KBTBD11: variants seen among roughly 807,000 people sequenced by gnomAD.
The protein encoded by KBTBD11 is kelch repeat and BTB domain-containing protein 11.
For missense variants in KBTBD11, 1,390 were observed against 1,001.8 expected (o/e 1.39, Z -5.23); for synonymous variants, 747 against 499.0 (o/e 1.50, Z -6.63).
intron 1 of KBTBD11, among the ~76,000 whole-genome samples, chr8:1,992,018 C>A (rs1160727381): frequency 6.6e-6 from 1 of 152,050 alleles, no homozygotes; most frequent in Non-Finnish European, 1.5e-5. Context: ...TACCCAAGGG[C>A]CTTTAGTTGA....
chr8:1,982,248 A>C (rs2129309582), intron 1 of KBTBD11, among the ~76,000 whole-genome samples: 1 of 152,346 alleles, frequency 6.6e-6, no homozygotes, highest in Non-Finnish European at 1.5e-5. Flanking sequence ...AAAAACCTAC[A>C]GTAGGTACAC....
chr8:1,976,383 T>G (rs991045331), intron 1 of KBTBD11: 4 of 152,220 alleles, frequency 2.6e-5, no homozygotes, highest in Admixed American at 2.0e-4. Context: ...GAGCAAAAAC[T>G]TTAAGAATAA....
rs150654332 is a variant in KBTBD11 at position 2,000,325 on chromosome 8, C to T, written c.-868C>T. The T allele has an allele frequency of 7.2e-4, 110 of 152,366 alleles. No homozygotes were observed. Among genetic ancestry groups the T allele is most frequent in the African/African-American group, 2.5e-3 (104 of 41,570 alleles). The allele number at this position is 152,366 out of a possible 1,614,324, so 9.4% of individuals were successfully genotyped here. A position where few individuals can be genotyped will look rare whatever the true frequency, so the allele number is the denominator to read the frequency against. On this transcript the variant is annotated 5_prime_UTR_variant, in exon 2 of 2. Transcript: ENST00000320248. ...GAGAGGACGCGGAAACACCTGATAT[C>T]CCAGCAAAGGAAGCTGCAGAGGAAG... is the stretch of plus-strand genomic sequence containing the variant.
In KBTBD11 at chr8:2,002,266, C is replaced by T; in HGVS notation, c.1074C>T (p.Tyr358=). 1.5e-6 allele frequency: 2 copies of T among 1,323,914 alleles called. No individual in the cohort carries two copies. The highest frequency in any genetic ancestry group is 9.6e-7 in the Non-Finnish European group (1 of 1,045,420). 82.0% of individuals were successfully genotyped at this position (1,323,914 alleles called of 1,614,324 possible). A position where few individuals can be genotyped will look rare whatever the true frequency, so the allele number is the denominator to read the frequency against. The change falls in exon 2 of 2, where the codon TAC becomes TAT. Residue 358 remains tyrosine, a synonymous_variant. Transcript: ENST00000320248. The surrounding 1 kb of genome is among the most constrained non-coding windows in gnomAD (Gnocchi z 4.1). Reference sequence around the variant, plus strand: ...GGGGCTGCGGCCTGTGCGTCCTCTACAACTACCTCTTCGTGGCGGGCGGCG... The same window carrying T: ...GGGGCTGCGGCCTGTGCGTCCTCTATAACTACCTCTTCGTGGCGGGCGGCG... ...PARGCGLCVL[Y]NYLFVAGGVA... is the part of the protein sequence containing the mutation.
chr8:2,001,099 T>G lies in KBTBD11; in HGVS notation c.-94T>G. On this transcript the variant is annotated 5_prime_UTR_variant, in exon 2 of 2. Coordinates refer to ENST00000320248, the MANE Select transcript of KBTBD11 (RefSeq NM_014867.3). ...TCTGATCGCGTGCCAGGAAAAGCTG[T>G]GAGGCTGGAAACCCCGGAGTAAGGC... The G allele has an allele frequency of 7.9e-7, 1 of 1,260,190 alleles. No homozygotes were observed. The highest frequency in any genetic ancestry group is 1.0e-6 in the Non-Finnish European group (1 of 1,002,510). 78.1% of individuals were successfully genotyped at this position (1,260,190 alleles called of 1,614,324 possible).
intron 1 of KBTBD11, among the ~76,000 whole-genome samples, chr8:1,987,832 A>G (rs1307995245): frequency 1.3e-5 from 2 of 151,994 alleles, no homozygotes; most frequent in Admixed American, 1.3e-4. Context: ...TGCTGCACCC[A>G]TTAACTCGTC....
intron 1 of KBTBD11, among the ~76,000 whole-genome samples, chr8:1,993,376 TCCGTCC>T (rs1563371841): frequency 9.9e-5 from 13 of 131,536 alleles, no homozygotes; most frequent in African/African-American, 3.6e-4. Flanking sequence ...CGTCCGTCCG[TCCGTCC>T]GTCCGTCCGT....
In KBTBD11 at chr8:1,973,722, C is replaced by T; in HGVS notation, c.-1122C>T. ...GCAGCCTGGAGCCGGAGCGCTGGCT[C>T]CGCGCGGCCTGGAGAGGCGGAGAGG... On this transcript the variant is annotated 5_prime_UTR_variant, in exon 1 of 2. Transcript: ENST00000320248. The T allele has an allele frequency of 1.0e-6, 1 of 983,846 alleles. No homozygotes were observed. The highest frequency in any genetic ancestry group is 1.2e-6 in the Non-Finnish European group (1 of 829,348). 60.9% of individuals were successfully genotyped at this position (983,846 alleles called of 1,614,324 possible).
At chr8:1,982,726 T>C (rs919385071) in intron 1 of KBTBD11, among the ~76,000 whole-genome samples, 2 of 151,912 alleles carry the variant, frequency 1.3e-5, no homozygotes, top group African/African-American at 4.8e-5. Flanking sequence ...AGTAAACTTT[T>C]AGTATGAGTT....
chr8:1,990,706 GCGGGGCCTTGGCGCCCTGT>G (rs2129312623), intron 1 of KBTBD11, among the ~76,000 whole-genome samples: 1 of 58,920 alleles, frequency 1.7e-5, no homozygotes, highest in East Asian at 6.6e-4. Context: ...GGTAGGTGCT[GCGGGGCCTTGGCGCCCTGT>G]CCGGGTAGGT....
intron 1 of KBTBD11, chr8:1,974,309 C>T (rs574882899): frequency 3.0e-6 from 3 of 984,408 alleles, no homozygotes; most frequent in East Asian, 1.1e-4. Flanking sequence ...AGACAATGAG[C>T]CGCCCGCGCC....
At chr8:1,975,561 T>C (rs1394062600) in intron 1 of KBTBD11, among the ~76,000 whole-genome samples, 2 of 152,242 alleles carry the variant, frequency 1.3e-5, no homozygotes, top group Non-Finnish European at 2.9e-5. Flanking sequence ...CTGCACCGCC[T>C]AGGTGTGTAG....
chr8:1,981,052 A>G (rs1816524462), intron 1 of KBTBD11, among the ~76,000 whole-genome samples: 1 of 152,224 alleles, frequency 6.6e-6, no homozygotes, highest in Non-Finnish European at 1.5e-5. Context: ...TTTAGCGCCA[A>G]CACTAATTGG....
chr8:1,987,892 C>T (rs768765118), intron 1 of KBTBD11, among the ~76,000 whole-genome samples: 4 of 152,182 alleles, frequency 2.6e-5, no homozygotes, highest in Non-Finnish European at 5.9e-5. Context: ...AGCTCCCCAG[C>T]CCCCGACGGG....
rs1817512768 is a variant in KBTBD11, at chr8:2,004,500, G to A, written c.*1436G>A. ...TTATTTGTTTGTTAATCCAGTAATG[G>A]GAACTGCCATCTCTGTAGAAATCAG... On this transcript the variant is annotated 3_prime_UTR_variant, in exon 2 of 2. Transcript: ENST00000320248. 1 of 167,030 alleles carries A rather than the reference G, an allele frequency of 6.0e-6. No homozygotes were observed. The highest frequency in any genetic ancestry group is 1.5e-5 in the Non-Finnish European group (1 of 68,126). The allele number at this position is 167,030 out of a possible 1,614,324, so 10.3% of individuals were successfully genotyped here. A position where few individuals can be genotyped will look rare whatever the true frequency, so the allele number is the denominator to read the frequency against.
chr8:1,988,730 A>C (rs1451110089), intron 1 of KBTBD11, among the ~76,000 whole-genome samples: 2 of 152,272 alleles, frequency 1.3e-5, no homozygotes, highest in East Asian at 3.9e-4. Flanking sequence ...CTGAGGCTTG[A>C]GCCCCATGGG....
At chr8:1,974,182 G>C (rs2129306320) in intron 1 of KBTBD11, among the ~76,000 whole-genome samples, 1 of 147,290 alleles carries the variant, frequency 6.8e-6, no homozygotes, top group East Asian at 2.1e-4. Flanking sequence ...GCCCGCGGCG[G>C]GGTGGGCGGC....
chr8:1,989,976 A>G (rs1054696260), intron 1 of KBTBD11, among the ~76,000 whole-genome samples: 2 of 131,474 alleles, frequency 1.5e-5, no homozygotes, highest in African/African-American at 5.7e-5. Flanking sequence ...GGCTCCAGAG[A>G]CAGAGGAAGA....
intron 1 of KBTBD11, among the ~76,000 whole-genome samples, chr8:1,979,643 C>T (rs1816472611): frequency 6.6e-6 from 1 of 152,192 alleles, no homozygotes; most frequent in South Asian, 2.1e-4. Flanking sequence ...CAAAACCCTT[C>T]ATAGTGACAT....
Sources: gnomAD v4.1 joint callset for allele counts (sites outside exome capture counted in the v4.1 genomes callset) on GRCh38, gnomAD v4.1.1 for gene constraint, Gnocchi (gnomAD v3.1) non-coding constraint, MANE v1.5 for transcripts, NCBI Gene and HGNC (gene_info 2026-07-23, HGNC 2026-07-21) for gene names.